KCNIP3: variants seen among roughly 807,000 people sequenced by gnomAD.
The protein encoded by KCNIP3 is potassium voltage-gated channel interacting protein 3, also known as calsenilin.
Under a neutral mutation model 35.0 loss-of-function variants are expected in KCNIP3, and 28 were observed. The observed-to-expected ratio is 0.80, with a 90% CI of 0.59 to 1.10. The LOEUF (loss-of-function observed/expected upper bound fraction) is 1.10, where lower values mean the gene tolerates loss of function less well. Ranked by LOEUF, KCNIP3 falls within the 50% of genes least tolerant of loss-of-function variation. The pLI is 0.00. For missense variants in KCNIP3, 295 were observed against 338.4 expected (o/e 0.87, Z 1.01); for synonymous variants, 134 against 133.8 (o/e 1.00, Z -0.01).
intron 2 of KCNIP3, among the ~76,000 whole-genome samples, chr2:95,334,564 A>G (rs1170207063): frequency 1.3e-5 from 2 of 152,134 alleles, no homozygotes; most frequent in African/African-American, 4.8e-5. Flanking sequence ...ACAAACCAAC[A>G]TGGTGGGCCT....
chr2:95,338,325 G>A (rs1259967407), intron 2 of KCNIP3, among the ~76,000 whole-genome samples: 3 of 152,168 alleles, frequency 2.0e-5, no homozygotes, highest in Non-Finnish European at 2.9e-5. Flanking sequence ...TAAATGAGAC[G>A]AGTTTAGCTT....
chr2:95,355,332 T>C (rs1021800593), intron 2 of KCNIP3: 1 of 152,094 alleles, frequency 6.6e-6, no homozygotes, highest in African/African-American at 2.4e-5. Context: ...GAGGAGGCGC[T>C]TTCTTTCTTT....
rs1240874151 is a variant in KCNIP3, at chr2:95,378,463, G to A, written c.448-3133G>A. Among the ~76,000 whole-genome samples, 10 of 151,820 alleles carry A rather than the reference G, an allele frequency of 6.6e-5. No individual in the cohort carries two copies. Among genetic ancestry groups the A allele is most frequent in the Non-Finnish European group, 1.3e-4 (9 of 67,974 alleles). On this transcript the variant is annotated intron_variant, in intron 5 of 8. Transcript: ENST00000295225. The surrounding 1 kb of genome is among the most constrained non-coding windows in gnomAD (Gnocchi z 4.0). Reference sequence around the variant, plus strand: ...TAAAATATTTTCATTGGCCGGGCTCGGTGGCTCACGCCTGCAATCCCAGCA... The same window carrying A: ...TAAAATATTTTCATTGGCCGGGCTCAGTGGCTCACGCCTGCAATCCCAGCA...
intron 2 of KCNIP3, among the ~76,000 whole-genome samples, chr2:95,335,240 C>T (rs962218158): frequency 2.6e-5 from 4 of 152,226 alleles, no homozygotes; most frequent in Admixed American, 1.3e-4. Flanking sequence ...TTTACCTGTT[C>T]AGTACTTCTT....
chr2:95,332,543 G>A (rs1224617176), intron 2 of KCNIP3, among the ~76,000 whole-genome samples: 1 of 152,254 alleles, frequency 6.6e-6, no homozygotes. Flanking sequence ...ACAGGTGAGG[G>A]GACGGAGAGG....
chr2:95,310,396 C>T lies in KCNIP3; in HGVS notation c.57C>T (p.Leu19=), dbSNP rs780955370. ...KASDGSLLGD[L]GHTPLSKKEG... ...CGGACGGCAGCCTCCTGGGGGACCT[C>T]GGGCACACACCACTTAGCAAGAAGG... The change falls in exon 2 of 9, where the codon CTC becomes CTT. Residue 19 remains leucine, a synonymous_variant. Transcript: ENST00000295225. 41 of 1,613,050 alleles carry T rather than the reference C, an allele frequency of 2.5e-5. No homozygotes were observed. The highest frequency in any genetic ancestry group is 9.9e-5 in the South Asian group (9 of 90,948).
chr2:95,381,325 A>ATGCACACCCTCACACAGG (rs765668708), intron 5 of KCNIP3, among the ~76,000 whole-genome samples: 21 of 151,850 alleles, frequency 1.4e-4, no homozygotes, highest in Admixed American at 3.3e-4. Context: ...ACACATACAG[A>ATGCACACCCTCACACAGG]TGCACACCCT....
intron 2 of KCNIP3, chr2:95,347,153 C>T (rs1180832706): frequency 1.3e-6 from 2 of 1,564,778 alleles, no homozygotes. Flanking sequence ...CCTTCGCCGC[C>T]TCCGCCGCAG....
chr2:95,384,669 C>A lies in KCNIP3; in HGVS notation c.*620C>A, dbSNP rs1680444293. 6.5e-6 allele frequency: 1 copy of A among 152,706 alleles called. No individual in the cohort carries two copies. 9.5% of individuals were successfully genotyped at this position (152,706 alleles called of 1,614,324 possible). A position where few individuals can be genotyped will look rare whatever the true frequency, so the allele number is the denominator to read the frequency against. On this transcript the variant is annotated 3_prime_UTR_variant, in exon 9 of 9. Transcript: ENST00000295225. Reference sequence around the variant, plus strand: ...CCAGGATCCCCTGCTACTCCACTGACCTGGAAGAGCTGGGTACCAGGCCAC... The same window carrying A: ...CCAGGATCCCCTGCTACTCCACTGAACTGGAAGAGCTGGGTACCAGGCCAC...
At position 95,385,033 on chromosome 2, in the gene KCNIP3, GCCCCT is replaced by G. The variant is rs1680463015; in HGVS notation, c.*988_*992del. 1 of 152,774 alleles carries G rather than the reference GCCCCT, an allele frequency of 6.5e-6. No individual in the cohort carries two copies. Among genetic ancestry groups the G allele is most frequent in the African/African-American group, 2.4e-5 (1 of 41,436 alleles). The allele number at this position is 152,774 out of a possible 1,614,324, so 9.5% of individuals were successfully genotyped here. A position where few individuals can be genotyped will look rare whatever the true frequency, so the allele number is the denominator to read the frequency against. The stretch of plus-strand genomic sequence containing the variant: ...GGCGTGTCCCTCCTCTTCCTGTAGT[GCCCCT>G]CCCATGGCCCAGCAGCTTGGCTGAG... On this transcript the variant is annotated 3_prime_UTR_variant, in exon 9 of 9. Transcript: ENST00000295225.
At chr2:95,306,647 G>C (rs545316155) in intron 1 of KCNIP3, among the ~76,000 whole-genome samples, 1 of 152,268 alleles carries the variant, frequency 6.6e-6, no homozygotes, top group South Asian at 2.1e-4. Flanking sequence ...CCAAGGCGGT[G>C]GTGTGGGAGC....
At chr2:95,352,591 C>T (rs891463253) in intron 2 of KCNIP3, among the ~76,000 whole-genome samples, 1 of 152,170 alleles carries the variant, frequency 6.6e-6, no homozygotes, top group Non-Finnish European at 1.5e-5. Context: ...CTCTCCCTCC[C>T]TACCTCTCGA....
chr2:95,308,504 C>T (rs890998478), intron 1 of KCNIP3, among the ~76,000 whole-genome samples: 1 of 152,192 alleles, frequency 6.6e-6, no homozygotes, highest in Admixed American at 6.5e-5. Context: ...TGTGGATAGG[C>T]CTCAGGGGAC....
chr2:95,339,775 C>T (rs1343912933), intron 2 of KCNIP3, among the ~76,000 whole-genome samples: 3 of 152,120 alleles, frequency 2.0e-5, no homozygotes, highest in Admixed American at 2.0e-4. Flanking sequence ...ATTTCCAAAT[C>T]GATAGCTCTT....
At chr2:95,315,800 C>A (rs1390118671) in intron 2 of KCNIP3, among the ~76,000 whole-genome samples, 1 of 152,172 alleles carries the variant, frequency 6.6e-6, no homozygotes, top group African/African-American at 2.4e-5. Flanking sequence ...GGGAAAGCGG[C>A]AATGCAGCAG....
Position 95,316,540 on chromosome 2 carries a change from G to A in KCNIP3, c.181+6020G>A, listed in dbSNP as rs150532360. Among the ~76,000 whole-genome samples the A allele has an allele frequency of 5.3e-4, 81 of 152,334 alleles. 1 individual carries two copies. The highest frequency in any genetic ancestry group is 3.4e-3 in the Middle Eastern group (1 of 294). ...TGTCAATGTCTTGGGTTCTTCTACC[G>A]TTCCCCTCACTGTGGCAATGTGGTT... On this transcript the variant is annotated intron_variant, in intron 2 of 8. Transcript: ENST00000295225.
intron 2 of KCNIP3, among the ~76,000 whole-genome samples, chr2:95,326,235 ACACACACACAACACTCACACATACACT>A (rs1380269976): frequency 3.3e-5 from 4 of 121,322 alleles, no homozygotes; most frequent in African/African-American, 1.4e-4. Context: ...ACATACACAT[ACACACACACAACACTCACACATACACT>A]CACACATACA....
intron 2 of KCNIP3, among the ~76,000 whole-genome samples, chr2:95,355,499 C>G (rs529718764): frequency 6.6e-6 from 1 of 152,070 alleles, no homozygotes; most frequent in Non-Finnish European, 1.5e-5. Flanking sequence ...TCCTCCAGCC[C>G]CCCAGCCTCC....
chr2:95,300,593 A>G (rs1203767418), intron 1 of KCNIP3, among the ~76,000 whole-genome samples: 2 of 150,672 alleles, frequency 1.3e-5, no homozygotes, highest in Admixed American at 1.3e-4. Context: ...AGGGCACAGC[A>G]TGGGGCGAGT....
Sources: gnomAD v4.1 joint callset for allele counts (sites outside exome capture counted in the v4.1 genomes callset) on GRCh38, gnomAD v4.1.1 for gene constraint, Gnocchi (gnomAD v3.1) non-coding constraint, MANE v1.5 for transcripts, NCBI Gene and HGNC (gene_info 2026-07-23, HGNC 2026-07-21) for gene names.